Variants in NR6A1 observed in about 807,000 individuals in gnomAD.
NR6A1 encodes nuclear receptor subfamily 6 group A member 1.
Under a neutral mutation model 59.1 loss-of-function variants are expected in NR6A1, and 7 were observed. The ratio of observed to expected loss-of-function variants is 0.12; its 90% CI spans 0.07 to 0.22. NR6A1 has a LOEUF of 0.22. Among genes scored for constraint, NR6A1 ranks in the 10% least tolerant of loss-of-function variants. The pLI, the probability that NR6A1 is intolerant of heterozygous loss-of-function variation, is 1.00. For synonymous variants in NR6A1, 243 were observed against 236.1 expected, an observed-to-expected ratio of 1.03 and a Z score of -0.27; for missense variants, 468 against 611.6, an observed-to-expected ratio of 0.77 and a Z score of 2.48.
chr9:124,688,372 AGAAT>A (rs1002835533), intron 2 of NR6A1, among the ~76,000 whole-genome samples: 7 of 152,150 alleles, frequency 4.6e-5, no homozygotes, highest in Admixed American at 1.3e-4. Context: ...TCTCTCTCTC[AGAAT>A]ATCTTATTGT....
At chr9:124,523,100 C>G (rs1371664865) in intron 9 of NR6A1, among the ~76,000 whole-genome samples, 1 of 152,186 alleles carries the variant, frequency 6.6e-6, no homozygotes, top group Non-Finnish European at 1.5e-5. Context: ...CTGTGTACTA[C>G]TTTTTACCCT....
intron 2 of NR6A1, among the ~76,000 whole-genome samples, chr9:124,638,842 G>A (rs1836691694): frequency 6.6e-6 from 1 of 152,158 alleles, no homozygotes; most frequent in South Asian, 2.1e-4. Context: ...GCTCAAATAA[G>A]GTGATGCTTG....
intron 2 of NR6A1, among the ~76,000 whole-genome samples, chr9:124,562,291 C>A (rs756849729): frequency 2.6e-5 from 4 of 152,152 alleles, no homozygotes; most frequent in Non-Finnish European, 4.4e-5. Context: ...ATGATCTGCC[C>A]ACAATTTTAT....
At chr9:124,735,308 G>T (rs1839992808) in intron 1 of NR6A1, among the ~76,000 whole-genome samples, 1 of 152,166 alleles carries the variant, frequency 6.6e-6, no homozygotes, top group African/African-American at 2.4e-5. Flanking sequence ...AAACAAAAGA[G>T]GCCTCACCAG....
rs199586860 is a variant in NR6A1 at position 124,593,794 on chromosome 9, G to GCT, written c.143-39226_143-39225dup. On this transcript the variant is annotated intron_variant, in intron 2 of 9. Coordinates refer to ENST00000487099, the MANE Select transcript of NR6A1 (RefSeq NM_033334.4). ...AGTGTGCACAATGGCCTCTCTTACG[G>GCT]CTCTCTCTCTCTCTCTGTTATTGAT... is the stretch of plus-strand genomic sequence containing the variant. 2.0e-3 allele frequency among the ~76,000 whole-genome samples: 301 copies of GCT among 150,506 alleles called. 1 individual carries two copies. The highest frequency in any genetic ancestry group is 5.2e-3 in the African/African-American group (212 of 41,158).
At chr9:124,569,561 G>T (rs536790382) in intron 2 of NR6A1, among the ~76,000 whole-genome samples, 67 of 152,200 alleles carry the variant, frequency 4.4e-4, no homozygotes, top group African/African-American at 1.6e-3. Context: ...CTGGCTAAAG[G>T]GTATTTAAAA....
chr9:124,728,813 C>CAA (rs1238104970), intron 2 of NR6A1, among the ~76,000 whole-genome samples: 1 of 152,078 alleles, frequency 6.6e-6, no homozygotes. Context: ...TTGTATGTTT[C>CAA]ATTGCCAAAG....
At chr9:124,548,775 G>A (rs1251989274) in intron 3 of NR6A1, among the ~76,000 whole-genome samples, 1 of 152,126 alleles carries the variant, frequency 6.6e-6, no homozygotes, top group Non-Finnish European at 1.5e-5. Flanking sequence ...GAACTAGTTA[G>A]CAAGTTATGA....
chr9:124,636,033 G>C (rs1836601560), intron 2 of NR6A1, among the ~76,000 whole-genome samples: 1 of 152,162 alleles, frequency 6.6e-6, no homozygotes, highest in Non-Finnish European at 1.5e-5. Flanking sequence ...TCAGTATTCT[G>C]AATTTTGGCC....
At chr9:124,628,227 C>T (rs887741543) in intron 2 of NR6A1, among the ~76,000 whole-genome samples, 16 of 152,134 alleles carry the variant, frequency 1.1e-4, no homozygotes, top group Non-Finnish European at 1.5e-5. Flanking sequence ...GGGGTTTAAC[C>T]ACGTTGGCCA....
At chr9:124,729,811 A>ATT (rs536599510) in intron 2 of NR6A1, among the ~76,000 whole-genome samples, 20 of 140,028 alleles carry the variant, frequency 1.4e-4, no homozygotes, top group Admixed American at 2.2e-4. Context: ...ATTTTGTCTA[A>ATT]TTTTTTTTTT....
At chr9:124,535,807 G>C (rs983437197) in intron 7 of NR6A1, 71 bp downstream of exon 7, 2 of 1,574,030 alleles carry the variant, frequency 1.3e-6, no homozygotes, top group African/African-American at 2.7e-5. Context: ...TGAAGGGCCA[G>C]GCAACTCTGC....
intron 1 of NR6A1, among the ~76,000 whole-genome samples, chr9:124,770,790 G>A (rs1480473565): frequency 1.3e-5 from 2 of 151,104 alleles, no homozygotes; most frequent in African/African-American, 2.4e-5. Context: ...GCAGGGGGAG[G>A]GTCCGCGCAG....
chr9:124,661,953 A>G (rs1030113554), intron 2 of NR6A1, among the ~76,000 whole-genome samples: 2 of 152,220 alleles, frequency 1.3e-5, no homozygotes, highest in Admixed American at 1.3e-4. Flanking sequence ...CTATGCTTAT[A>G]TCCAGCATAC....
intron 2 of NR6A1, among the ~76,000 whole-genome samples, chr9:124,642,464 T>G (rs1320294867): frequency 5.3e-5 from 8 of 152,248 alleles, no homozygotes; most frequent in African/African-American, 1.4e-4. Context: ...ACTTCTACAC[T>G]ATTCACCTTT....
At chr9:124,693,706 A>C (rs1564240944) in intron 2 of NR6A1, 3 of 534,322 alleles carry the variant, frequency 5.6e-6, no homozygotes, top group Non-Finnish European at 1.2e-5. Context: ...ACCAACTGAA[A>C]ACACTGATGG....
At position 124,599,324 on chromosome 9, in the gene NR6A1, C is replaced by T. The variant is rs1775142090; in HGVS notation, c.143-44754G>A. ...TGGGCGTGGCGGCGGGCGCCCGAGG[C>T]AGGAGAACCGCTTGAACCCGGGAGG... On this transcript the variant is annotated intron_variant, in intron 2 of 9. Transcript: ENST00000487099. The T allele has an allele frequency of 8.3e-6, 3 of 363,164 alleles. No individual in the cohort carries two copies. The Admixed American group carries it at 1.2e-4, about 14-fold the overall frequency. The allele number at this position is 363,164 out of a possible 1,614,324, so 22.5% of individuals were successfully genotyped here. A position where few individuals can be genotyped will look rare whatever the true frequency, so the allele number is the denominator to read the frequency against.
chr9:124,727,697 A>T (rs1839760410), intron 2 of NR6A1, among the ~76,000 whole-genome samples: 1 of 152,026 alleles, frequency 6.6e-6, no homozygotes, highest in African/African-American at 2.4e-5. Context: ...TTATTTATTT[A>T]TTTTTAATAC....
At chr9:124,759,480 A>G (rs996449047) in intron 1 of NR6A1, among the ~76,000 whole-genome samples, 1 of 152,206 alleles carries the variant, frequency 6.6e-6, no homozygotes, top group African/African-American at 2.4e-5. Context: ...GTAGCTGAAA[A>G]GCACATTCCT....
Sources: gnomAD v4.1 joint callset for allele counts (sites outside exome capture counted in the v4.1 genomes callset) on GRCh38, gnomAD v4.1.1 for gene constraint, MANE v1.5 for transcripts, NCBI Gene and HGNC (gene_info 2026-07-23, HGNC 2026-07-21) for gene names.